DOCK1: variants seen among roughly 807,000 people sequenced by gnomAD.
The protein encoded by DOCK1 is dedicator of cytokinesis 1, also known as dedicator of cytokinesis protein 1.
A neutral mutation model predicts 262.7 loss-of-function variants in DOCK1; 138 were observed. The observed-to-expected ratio is 0.53, with a 90% CI of 0.46 to 0.61. The LOEUF (loss-of-function observed/expected upper bound fraction) is 0.61, where lower values mean the gene tolerates loss of function less well. DOCK1 is among the 20% of genes least tolerant of loss of function. The pLI, the probability that DOCK1 is intolerant of heterozygous loss-of-function variation, is 0.00. For missense variants in DOCK1, 1,908 were observed against 2,370.7 expected, an observed-to-expected ratio of 0.80 and a Z score of 4.05; for synonymous variants, 866 against 867.4, an observed-to-expected ratio of 1.00 and a Z score of 0.03.
chr10:127,182,016 G>C (rs1478682874), intron 27 of DOCK1, among the ~76,000 whole-genome samples: 1 of 152,148 alleles, frequency 6.6e-6, no homozygotes, highest in Non-Finnish European at 1.5e-5. Context: ...CCAAAAAGGG[G>C]TGACTGGATG....
At chr10:127,370,773 T>C (rs899995932) in intron 33 of DOCK1, among the ~76,000 whole-genome samples, 7 of 152,206 alleles carry the variant, frequency 4.6e-5, no homozygotes, top group Admixed American at 1.3e-4. Context: ...ACAGCAACTT[T>C]CCGAAAGGCC....
intron 6 of DOCK1, among the ~76,000 whole-genome samples, chr10:126,996,018 A>G (rs143611123): frequency 7.8e-4 from 119 of 151,958 alleles, no homozygotes; most frequent in African/African-American, 2.8e-3. Context: ...ACTGCCAGCT[A>G]TGTGTTTGGG....
At chr10:127,246,749 T>C (rs929649097) in intron 27 of DOCK1, among the ~76,000 whole-genome samples, 4 of 152,240 alleles carry the variant, frequency 2.6e-5, no homozygotes, top group African/African-American at 9.6e-5. Flanking sequence ...GGAGAAAATA[T>C]TGGATTTTAA....
intron 28 of DOCK1, among the ~76,000 whole-genome samples, chr10:127,255,315 C>T (rs969926123): frequency 4.6e-5 from 7 of 152,158 alleles, no homozygotes; most frequent in African/African-American, 1.7e-4. Context: ...ACGGGAGGAT[C>T]ACTTGGGTCC....
At chr10:127,284,353 A>G (rs1296983686) in intron 29 of DOCK1, among the ~76,000 whole-genome samples, 1 of 152,098 alleles carries the variant, frequency 6.6e-6, no homozygotes, top group African/African-American at 2.4e-5. Context: ...TTTCTCTGTA[A>G]TAGCACCCTC....
At chr10:127,276,470 T>C (rs965676269) in intron 29 of DOCK1, among the ~76,000 whole-genome samples, 2 of 152,160 alleles carry the variant, frequency 1.3e-5, no homozygotes, top group Non-Finnish European at 2.9e-5. Flanking sequence ...GCTGTTTGAT[T>C]GTGGAAATTC....
At chr10:127,053,575 T>C (rs2044904731) in intron 22 of DOCK1, among the ~76,000 whole-genome samples, 1 of 152,224 alleles carries the variant, frequency 6.6e-6, no homozygotes, top group South Asian at 2.1e-4. Context: ...TTTTGAGCTT[T>C]AAAGTAAATC....
chr10:127,256,079 A>G (rs1213855061), intron 28 of DOCK1, among the ~76,000 whole-genome samples: 2 of 152,130 alleles, frequency 1.3e-5, no homozygotes. Context: ...CTGGGTCACT[A>G]ATGTCTCCTA....
At position 126,995,469 on chromosome 10, in the gene DOCK1, T is replaced by C. The variant is rs1032264532; in HGVS notation, c.474-1279T>C. On this transcript the variant is annotated intron_variant, in intron 6 of 51. Transcript: ENST00000623213. This position sits in a 1 kb window ranked among gnomAD's most constrained non-coding sequence, Gnocchi z 5.8. Reference sequence around the variant, plus strand: ...GCCGGGCCAACCCGGTGAAACCCCGTCTCCATCAAAAAATACGAAAACCAG... The same window carrying C: ...GCCGGGCCAACCCGGTGAAACCCCGCCTCCATCAAAAAATACGAAAACCAG... Among the ~76,000 whole-genome samples, 2 of 152,078 alleles carry C rather than the reference T, an allele frequency of 1.3e-5. No individual in the cohort carries two copies. Among genetic ancestry groups the C allele is most frequent in the Non-Finnish European group, 2.9e-5 (2 of 68,004 alleles).
Position 127,148,898 on chromosome 10 carries a change from A to AGG in DOCK1, c.2847+21136_2847+21137dup, listed in dbSNP as rs539941293. Among the ~76,000 whole-genome samples, 997 of 152,306 alleles carry AGG rather than the reference A, an allele frequency of 6.5e-3. 4 individuals are homozygous for AGG. The highest frequency in any genetic ancestry group is 0.012 in the Admixed American group (176 of 15,296). ...CACAGTCGGTCTGCATCACAACCGA[A>AGG]GGGATGTCTGTCATCTTAGAAAAAG... On this transcript the variant is annotated intron_variant, in intron 27 of 51. Coordinates refer to ENST00000623213, the MANE Select transcript of DOCK1 (RefSeq NM_001290223.2).
At chr10:127,389,238 C>T (rs911288133) in intron 38 of DOCK1, among the ~76,000 whole-genome samples, 1 of 152,258 alleles carries the variant, frequency 6.6e-6, no homozygotes, top group South Asian at 2.1e-4. Flanking sequence ...TGTTTTGTGC[C>T]GGACTTAGAA....
chr10:127,062,960 C>T (rs1259428998), intron 23 of DOCK1, among the ~76,000 whole-genome samples: 1 of 152,144 alleles, frequency 6.6e-6, no homozygotes, highest in Non-Finnish European at 1.5e-5. Context: ...TCACATGAGG[C>T]CTGAGTGTTC....
At chr10:127,150,472 G>A (rs1204395497) in intron 27 of DOCK1, among the ~76,000 whole-genome samples, 1 of 152,200 alleles carries the variant, frequency 6.6e-6, no homozygotes, top group African/African-American at 2.4e-5. Flanking sequence ...CTTAGCTGAT[G>A]TGCTAGATTA....
At chr10:126,953,668 G>T (rs2036513523) in intron 1 of DOCK1, among the ~76,000 whole-genome samples, 1 of 152,042 alleles carries the variant, frequency 6.6e-6, no homozygotes. Flanking sequence ...AATGAGTGTG[G>T]GTAGAACGTC....
At chr10:127,338,696 T>C (rs1443324238) in intron 29 of DOCK1, among the ~76,000 whole-genome samples, 4 of 152,148 alleles carry the variant, frequency 2.6e-5, no homozygotes, top group Admixed American at 6.5e-5. Flanking sequence ...GAAAACGATT[T>C]AATTTGCACC....
intron 50 of DOCK1, among the ~76,000 whole-genome samples, chr10:127,444,655 T>C (rs1449304092): frequency 6.6e-6 from 1 of 152,218 alleles, no homozygotes; most frequent in Non-Finnish European, 1.5e-5. Flanking sequence ...CTTCAGGCAG[T>C]TGGCAACAGC....
chr10:126,989,571 C>T (rs985895259), intron 5 of DOCK1, among the ~76,000 whole-genome samples: 7 of 152,182 alleles, frequency 4.6e-5, no homozygotes, highest in Non-Finnish European at 1.0e-4. Context: ...AAGCAATCCT[C>T]CCGCCTCTGC....
chr10:127,344,384 C>G (rs2063545547), intron 31 of DOCK1: 1 of 152,164 alleles, frequency 6.6e-6, no homozygotes, highest in Non-Finnish European at 1.5e-5. Flanking sequence ...TTTGGACACC[C>G]GGAGGGTCTT....
Position 127,261,456 on chromosome 10 carries a change from CGT to C in DOCK1, c.3044+4037_3044+4038del, listed in dbSNP as rs150701291. Among the ~76,000 whole-genome samples the C allele has an allele frequency of 2.7e-4, 23 of 85,412 alleles. 1 individual carries two copies. The highest frequency in any genetic ancestry group is 6.8e-4 in the South Asian group (2 of 2,932). 56.0% of individuals were successfully genotyped at this position (85,412 alleles called of 152,430 possible). On this transcript the variant is annotated intron_variant, in intron 29 of 51. Coordinates refer to ENST00000623213, the MANE Select transcript of DOCK1 (RefSeq NM_001290223.2). Reference sequence around the variant, plus strand: ...CTGTGTGTGTACCTGCATGTGTGTGCGTGTGTGTGTGCCTGCATGTACCCGTG... The same window carrying C: ...CTGTGTGTGTACCTGCATGTGTGTGCGTGTGTGTGCCTGCATGTACCCGTG...
Sources: allele counts gnomAD v4.1 joint callset (sites outside exome capture counted in the v4.1 genomes callset), GRCh38; gene constraint gnomAD v4.1.1; non-coding constraint Gnocchi (gnomAD v3.1); transcripts MANE v1.5; gene names NCBI Gene and HGNC (gene_info 2026-07-23, HGNC 2026-07-21).